PCDH9: variants seen among roughly 807,000 people sequenced by gnomAD.
PCDH9 encodes the protein protocadherin-9.
A neutral mutation model predicts 70.6 loss-of-function variants in PCDH9; 24 were observed. That is an observed-to-expected ratio of 0.34 (90% CI 0.25 to 0.48). PCDH9 has a LOEUF of 0.48. Ranked by LOEUF, PCDH9 falls within the 20% of genes least tolerant of loss-of-function variation. PCDH9 has a pLI of 0.99. For synonymous variants in PCDH9, 562 were observed against 558.5 expected (o/e 1.01, Z -0.09); for missense variants, 1,281 against 1,503.6 (o/e 0.85, Z 2.45).
intron 2 of PCDH9, among the ~76,000 whole-genome samples, chr13:67,148,381 T>C (rs2087575231): frequency 6.6e-6 from 1 of 152,112 alleles, no homozygotes. Flanking sequence ...TTTGAATTTT[T>C]ACAGCTGATG....
At position 67,151,479 on chromosome 13, in the gene PCDH9, G is replaced by A. The variant is rs538638008; in HGVS notation, c.3036+73926C>T. Among the ~76,000 whole-genome samples, 9 of 152,150 alleles carry A rather than the reference G, an allele frequency of 5.9e-5. No individual in the cohort carries two copies. The East Asian group carries it at 1.6e-3, about 26-fold the overall frequency. ...ATTGGGTTCTACTGGTAAACTCAGAGCTCCTACTTCTTTTATTGTTTGCCT... is the reference window on the plus strand; with the variant it reads ...ATTGGGTTCTACTGGTAAACTCAGAACTCCTACTTCTTTTATTGTTTGCCT... On this transcript the variant is annotated intron_variant, in intron 2 of 4. Transcript: ENST00000377865.
At position 66,730,330 on chromosome 13, in the gene PCDH9, G is replaced by A. The variant is rs185019313; in HGVS notation, c.3139-98919C>T. Among the ~76,000 whole-genome samples, 454 of 152,110 alleles carry A rather than the reference G, an allele frequency of 3.0e-3. 9 individuals are homozygous for A. The highest frequency in any genetic ancestry group is 1.9e-3 in the Non-Finnish European group (126 of 67,990). On this transcript the variant is annotated intron_variant, in intron 3 of 4. Transcript: ENST00000377865. ...GCAAATTTTATAATTAAAATCAATT[G>A]TTATTTTAATCTTCTACTGCATACT...
At chr13:66,560,012 C>T (rs1040325711) in intron 4 of PCDH9, among the ~76,000 whole-genome samples, 2 of 151,668 alleles carry the variant, frequency 1.3e-5, no homozygotes, top group Non-Finnish European at 2.9e-5. Context: ...AAAAGTTGAA[C>T]ATATGCAGTT....
chr13:67,036,431 C>T (rs2085011045), intron 2 of PCDH9, among the ~76,000 whole-genome samples: 1 of 152,132 alleles, frequency 6.6e-6, no homozygotes, highest in East Asian at 1.9e-4. Flanking sequence ...TCTTCAGCTT[C>T]AGGTCTCAGT....
intron 2 of PCDH9, among the ~76,000 whole-genome samples, chr13:67,175,512 A>C (rs2088425771): frequency 6.6e-6 from 1 of 152,196 alleles, no homozygotes; most frequent in African/African-American, 2.4e-5. Flanking sequence ...CCATGAATAC[A>C]TATGGGGATG....
intron 2 of PCDH9, among the ~76,000 whole-genome samples, chr13:67,067,022 A>T (rs559393021): frequency 6.6e-6 from 1 of 151,412 alleles, no homozygotes; most frequent in South Asian, 2.1e-4. Context: ...TCTAAGAGTG[A>T]TAAATGACTA....
chr13:67,143,573 AAAT>A (rs1268668999), intron 2 of PCDH9, among the ~76,000 whole-genome samples: 4 of 152,068 alleles, frequency 2.6e-5, no homozygotes, highest in African/African-American at 7.2e-5. Flanking sequence ...GGTCTAGCCA[AAAT>A]AATAATAATA....
intron 2 of PCDH9, among the ~76,000 whole-genome samples, chr13:67,160,207 T>C (rs1466425924): frequency 1.3e-5 from 2 of 152,346 alleles, no homozygotes; most frequent in East Asian, 3.9e-4. Context: ...TTATAAGTTT[T>C]CTTTCCTGCA....
intron 2 of PCDH9, among the ~76,000 whole-genome samples, chr13:67,160,316 A>G (rs1469695016): frequency 3.3e-5 from 5 of 152,130 alleles, no homozygotes; most frequent in African/African-American, 7.2e-5. Flanking sequence ...GAGGCCGAGA[A>G]GGGCAGATCA....
intron 3 of PCDH9, among the ~76,000 whole-genome samples, chr13:66,683,007 G>A (rs2139064818): frequency 1.3e-5 from 2 of 152,240 alleles, no homozygotes; most frequent in South Asian, 4.1e-4. Context: ...GAAACAAATG[G>A]CAGAGGTTTG....
At chr13:66,859,967 C>T (rs751465271) in intron 3 of PCDH9, among the ~76,000 whole-genome samples, 1 of 152,056 alleles carries the variant, frequency 6.6e-6, no homozygotes, top group South Asian at 2.1e-4. Context: ...TTTATTATGG[C>T]CTGCTGTATT....
At chr13:66,539,002 A>G (rs1960828950) in intron 4 of PCDH9, among the ~76,000 whole-genome samples, 1 of 152,106 alleles carries the variant, frequency 6.6e-6, no homozygotes, top group Non-Finnish European at 1.5e-5. Flanking sequence ...ACATTAATCT[A>G]TGTTTTTAAC....
rs140723564 is a variant in PCDH9, at chr13:67,044,378, A to G, written c.3037-140773T>C. On this transcript the variant is annotated intron_variant, in intron 2 of 4. Coordinates refer to ENST00000377865, the MANE Select transcript of PCDH9 (RefSeq NM_203487.3). ...GACAAAAATTCACATCACATTTTGT[A>G]TGGTTATCAAAATGATACCCCAAAT... is the stretch of plus-strand genomic sequence containing the variant. 2.6e-3 allele frequency among the ~76,000 whole-genome samples: 400 copies of G among 152,318 alleles called. 4 individuals carry two copies. Among genetic ancestry groups the G allele is most frequent in the African/African-American group, 9.2e-3 (383 of 41,584 alleles).
intron 3 of PCDH9, among the ~76,000 whole-genome samples, chr13:66,680,909 T>G (rs1320784408): frequency 6.6e-6 from 1 of 152,070 alleles, no homozygotes; most frequent in African/African-American, 2.4e-5. Flanking sequence ...ATTATACATA[T>G]GTACATGGTA....
At chr13:66,385,996 T>TA (rs60534095) in intron 4 of PCDH9, among the ~76,000 whole-genome samples, 4,956 of 129,040 alleles carry the variant, frequency 0.038, 255 homozygotes, top group African/African-American at 0.12. Context: ...ACGTATCTGA[T>TA]AAAAAAAAAA....
At chr13:66,482,145 T>C (rs1369334794) in intron 4 of PCDH9, among the ~76,000 whole-genome samples, 2 of 152,216 alleles carry the variant, frequency 1.3e-5, no homozygotes, top group Admixed American at 6.5e-5. Flanking sequence ...GAATTGTAAC[T>C]GTAGCCAAAG....
chr13:66,937,580 C>G (rs1443023060), intron 2 of PCDH9, among the ~76,000 whole-genome samples: 1 of 152,180 alleles, frequency 6.6e-6, no homozygotes, highest in African/African-American at 2.4e-5. Flanking sequence ...TCCGTACTTC[C>G]ATATTTGAGT....
Position 67,005,238 on chromosome 13 carries a change from C to CT in PCDH9, c.3037-101634dup, listed in dbSNP as rs202141402. Among the ~76,000 whole-genome samples the CT allele has an allele frequency of 2.0e-3, 284 of 140,456 alleles. 1 individual carries two copies. Among genetic ancestry groups the CT allele is most frequent in the African/African-American group, 6.6e-3 (255 of 38,578 alleles). 92.1% of individuals were successfully genotyped at this position (140,456 alleles called of 152,430 possible). A position where few individuals can be genotyped will look rare whatever the true frequency, so the allele number is the denominator to read the frequency against. On this transcript the variant is annotated intron_variant, in intron 2 of 4. Transcript: ENST00000377865. Reference sequence around the variant, plus strand: ...AGTCCCATTCCCAAAACTCTGATCTCTTTAAAAAAAAAAAGTTGTAGGAAG... The same window carrying CT: ...AGTCCCATTCCCAAAACTCTGATCTCTTTTAAAAAAAAAAAGTTGTAGGAAG...
chr13:67,180,513 A>G (rs926287009), intron 2 of PCDH9, among the ~76,000 whole-genome samples: 3 of 152,164 alleles, frequency 2.0e-5, no homozygotes, highest in Admixed American at 1.3e-4. Flanking sequence ...AAATCAAACC[A>G]TCACATTATT....
Sources: allele counts gnomAD v4.1 joint callset (sites outside exome capture counted in the v4.1 genomes callset), GRCh38; gene constraint gnomAD v4.1.1; transcripts MANE v1.5; gene names NCBI Gene and HGNC (gene_info 2026-07-23, HGNC 2026-07-21).